The following RYR2 variants were observed in gnomAD, a reference collection of about 807,000 sequenced individuals.
RYR2 encodes the protein ryanodine receptor 2.
Under a neutral mutation model 601.1 loss-of-function variants are expected in RYR2, and 227 were observed. That is an observed-to-expected ratio of 0.38 (90% CI 0.34 to 0.42). RYR2 has a LOEUF of 0.42. RYR2 is among the 10% of genes least tolerant of loss of function. RYR2 has a pLI of 1.00. For synonymous variants in RYR2, 2,223 were observed against 2,175.1 expected (o/e 1.02, Z -0.61); for missense variants, 4,646 against 6,156.5 (o/e 0.75, Z 8.21).
chr1:237,817,000 C>T (rs1382107029), intron 100 of RYR2, among the ~76,000 whole-genome samples: 2 of 152,082 alleles, frequency 1.3e-5, no homozygotes, highest in Non-Finnish European at 2.9e-5. Flanking sequence ...ACCCTATCAG[C>T]CTAATCTGGC....
chr1:237,372,980 A>G (rs1454776918), intron 6 of RYR2, among the ~76,000 whole-genome samples: 1 of 152,228 alleles, frequency 6.6e-6, no homozygotes, highest in Non-Finnish European at 1.5e-5. Flanking sequence ...TACTAGAAAC[A>G]TTAAGGAGAA....
At chr1:237,605,834 A>C (rs1677062724) in intron 35 of RYR2, among the ~76,000 whole-genome samples, 1 of 151,994 alleles carries the variant, frequency 6.6e-6, no homozygotes, top group African/African-American at 2.4e-5. Flanking sequence ...CCAAGAGAAT[A>C]AAATACCTAG....
At chr1:237,624,515 A>T (rs1010693817) in intron 39 of RYR2, among the ~76,000 whole-genome samples, 1 of 152,180 alleles carries the variant, frequency 6.6e-6, no homozygotes, top group African/African-American at 2.4e-5. Context: ...AACCTCAATG[A>T]AGCTGTTTTT....
intron 24 of RYR2, among the ~76,000 whole-genome samples, chr1:237,529,369 A>G (rs544355823): frequency 8.5e-5 from 13 of 152,294 alleles, no homozygotes; most frequent in Non-Finnish European, 1.9e-4. Context: ...AACAAAATTT[A>G]ACTGATAATT....
chr1:237,407,606 G>T (rs896011049), intron 10 of RYR2, among the ~76,000 whole-genome samples: 3 of 52,066 alleles, frequency 5.8e-5, no homozygotes, highest in Non-Finnish European at 1.1e-4. Flanking sequence ...TTAAATTGTG[G>T]TTGTTTTTTT....
chr1:237,520,586 G>C (rs1027140622), intron 24 of RYR2, among the ~76,000 whole-genome samples: 4 of 152,160 alleles, frequency 2.6e-5, no homozygotes, highest in Non-Finnish European at 5.9e-5. Context: ...TGTTGGTTCA[G>C]TTTTTGCGAC....
At chr1:237,361,173 G>A (rs758661497) in intron 4 of RYR2, among the ~76,000 whole-genome samples, 7 of 152,148 alleles carry the variant, frequency 4.6e-5, no homozygotes, top group African/African-American at 7.2e-5. Context: ...GATAGTTGAA[G>A]CTTTTCAACC....
intron 1 of RYR2, among the ~76,000 whole-genome samples, chr1:237,250,264 T>A (rs1056175108): frequency 6.6e-6 from 1 of 152,172 alleles, no homozygotes; most frequent in Admixed American, 6.5e-5. Context: ...ACAGACACTA[T>A]CATGATCAGT....
intron 1 of RYR2, among the ~76,000 whole-genome samples, chr1:237,110,343 T>C (rs994110897): frequency 2.6e-5 from 4 of 151,792 alleles, no homozygotes; most frequent in Non-Finnish European, 4.4e-5. Context: ...TATACATGTG[T>C]CATGCTGGTG....
chr1:237,517,216 C>T (rs867163608), intron 24 of RYR2, among the ~76,000 whole-genome samples: 32 of 152,276 alleles, frequency 2.1e-4, no homozygotes, highest in African/African-American at 7.0e-4. Flanking sequence ...CTTCATTTCA[C>T]CCTTAAAGGA....
At chr1:237,796,425 C>T (rs192694081) in intron 96 of RYR2, among the ~76,000 whole-genome samples, 62 of 152,230 alleles carry the variant, frequency 4.1e-4, no homozygotes, top group African/African-American at 1.2e-3. Flanking sequence ...GAGAATCCCC[C>T]GGCTCAAATC....
chr1:237,666,913 GA>G (rs956253225), intron 57 of RYR2, among the ~76,000 whole-genome samples: 54 of 139,550 alleles, frequency 3.9e-4, no homozygotes, highest in Non-Finnish European at 3.9e-4. Context: ...CCCTCTCAAA[GA>G]AAAAAAAAAA....
intron 71 of RYR2, among the ~76,000 whole-genome samples, chr1:237,714,689 A>G (rs576223471): frequency 7.2e-5 from 11 of 152,192 alleles, no homozygotes; most frequent in African/African-American, 2.6e-4. Context: ...TGATTGATTG[A>G]TTAAAGAAAG....
chr1:237,135,881 G>A (rs1672721128), intron 1 of RYR2, among the ~76,000 whole-genome samples: 1 of 152,236 alleles, frequency 6.6e-6, no homozygotes, highest in Non-Finnish European at 1.5e-5. Flanking sequence ...GCAGAGAAGA[G>A]GTGGTGTGTG....
chr1:237,047,722 A>G (rs1295254123), intron 1 of RYR2, among the ~76,000 whole-genome samples: 2 of 152,008 alleles, frequency 1.3e-5, no homozygotes, highest in Admixed American at 6.6e-5. Flanking sequence ...GACTTTGGGG[A>G]CATGGTACCT....
At chr1:237,387,500 T>C in intron 9 of RYR2, 120 bp downstream of exon 9, 1 of 806,742 alleles carries the variant, frequency 1.2e-6, no homozygotes, top group Admixed American at 2.4e-5. Context: ...AAATATTCTG[T>C]AATGCAGATA....
At chr1:237,564,748 T>TA (rs1671796690) in intron 27 of RYR2, among the ~76,000 whole-genome samples, 1 of 152,202 alleles carries the variant, frequency 6.6e-6, no homozygotes, top group Non-Finnish European at 1.5e-5. Context: ...AGACTTAAGC[T>TA]AGTTTCTGAA....
At position 237,167,733 on chromosome 1, in the gene RYR2, T is replaced by A. The variant is rs865787206; in HGVS notation, c.49-102764T>A. 6.0e-3 allele frequency among the ~76,000 whole-genome samples: 620 copies of A among 103,940 alleles called. 5 individuals carry two copies. Among genetic ancestry groups the A allele is most frequent in the African/African-American group, 0.023 (558 of 24,272 alleles). 68.2% of individuals were successfully genotyped at this position (103,940 alleles called of 152,430 possible). On this transcript the variant is annotated intron_variant, in intron 1 of 104. Coordinates refer to ENST00000366574, the MANE Select transcript of RYR2 (RefSeq NM_001035.3). ...CTTTTTTTTTTTTTTTTTTTTTTTT[T>A]AAATTTAGAGATGAGGTCTTGCTGT...
chr1:237,402,713 G>T (rs191537216), intron 10 of RYR2, among the ~76,000 whole-genome samples: 110 of 150,612 alleles, frequency 7.3e-4, no homozygotes, highest in African/African-American at 2.6e-3. Context: ...TCAGGAGTTT[G>T]ATACCAGCCT....
Sources: gnomAD v4.1 joint callset for allele counts (sites outside exome capture counted in the v4.1 genomes callset) on GRCh38, gnomAD v4.1.1 for gene constraint, MANE v1.5 for transcripts, NCBI Gene and HGNC (gene_info 2026-07-23, HGNC 2026-07-21) for gene names.